NRG3: variants seen among roughly 807,000 people sequenced by gnomAD.
NRG3 encodes neuregulin 3.
In NRG3, 31 loss-of-function variants were observed where a neutral mutation model predicts 66.9. The observed-to-expected ratio is 0.46, with a 90% CI of 0.35 to 0.63. NRG3 has a LOEUF of 0.63. NRG3 is among the 20% of genes least tolerant of loss of function. The probability of loss-of-function intolerance (pLI) is 0.00; values close to 1 mark genes in which losing one functional copy is unlikely to be tolerated. For synonymous variants in NRG3, 393 were observed against 359.4 expected (o/e 1.09, Z -1.06); for missense variants, 910 against 878.9 (o/e 1.04, Z -0.45).
chr10:82,571,839 A>G (rs1205819373), intron 2 of NRG3, among the ~76,000 whole-genome samples: 3 of 151,714 alleles, frequency 2.0e-5, no homozygotes, highest in Non-Finnish European at 4.4e-5. Context: ...AAAAATGTAT[A>G]TACAAATGTA....
intron 2 of NRG3, among the ~76,000 whole-genome samples, chr10:82,372,987 A>C (rs937614143): frequency 1.9e-4 from 29 of 152,216 alleles, no homozygotes; most frequent in African/African-American, 6.0e-4. Flanking sequence ...TTGACCACTG[A>C]TCATTGTTGA....
At position 81,905,738 on chromosome 10, in the gene NRG3, A is replaced by T. The variant is rs150063866; in HGVS notation, c.823+29575A>T. ...TGTGCCCAGTTTTTGTGTTTTCTTC[A>T]TGTCCTTTGAAAATCAGCCCTCACA... On this transcript the variant is annotated intron_variant, in intron 1 of 8. Transcript: ENST00000372141. Among the ~76,000 whole-genome samples the T allele has an allele frequency of 2.0e-5, 3 of 152,234 alleles. No homozygotes were observed. In the East Asian group the frequency reaches 5.8e-4, roughly 29 times the overall value.
chr10:82,436,083 G>C (rs1245922526), intron 2 of NRG3, among the ~76,000 whole-genome samples: 1 of 152,078 alleles, frequency 6.6e-6, no homozygotes, highest in Admixed American at 6.6e-5. Context: ...TTCAAGTCAT[G>C]AATATCCTTG....
chr10:82,032,604 T>G (rs1013188089), intron 1 of NRG3, among the ~76,000 whole-genome samples: 2 of 152,102 alleles, frequency 1.3e-5, no homozygotes, highest in Non-Finnish European at 2.9e-5. Flanking sequence ...AATTGAAACA[T>G]ATTGAAATCA....
chr10:82,685,803 C>T (rs941393285), intron 2 of NRG3, among the ~76,000 whole-genome samples: 27 of 151,820 alleles, frequency 1.8e-4, no homozygotes, highest in African/African-American at 6.3e-4. Flanking sequence ...GTTTTATTTT[C>T]TACTTTTAAA....
At chr10:82,199,792 A>T (rs1294551963) in intron 1 of NRG3, among the ~76,000 whole-genome samples, 1 of 151,950 alleles carries the variant, frequency 6.6e-6, no homozygotes, top group African/African-American at 2.4e-5. Context: ...TTTCTGTATC[A>T]ATCTAATTTC....
At chr10:82,371,695 T>C (rs1347207808) in intron 2 of NRG3, among the ~76,000 whole-genome samples, 1 of 152,174 alleles carries the variant, frequency 6.6e-6, no homozygotes, top group Non-Finnish European at 1.5e-5. Flanking sequence ...TTCTGATAGT[T>C]GGGAGGTTCA....
chr10:82,986,328 T>C lies in NRG3; in HGVS notation c.*723T>C, dbSNP rs117881773. 6.6e-6 allele frequency: 1 copy of C among 152,212 alleles called. No individual in the cohort carries two copies. Among genetic ancestry groups the C allele is most frequent in the African/African-American group, 2.4e-5 (1 of 41,450 alleles). The allele number at this position is 152,212 out of a possible 1,614,324, so 9.4% of individuals were successfully genotyped here. A position where few individuals can be genotyped will look rare whatever the true frequency, so the allele number is the denominator to read the frequency against. On this transcript the variant is annotated 3_prime_UTR_variant, in exon 9 of 9. Transcript: ENST00000372141. ...AGAAATGTTTTTCCTTGAGATTGTT[T>C]AGAGGCTCTGGAGGAGCGTTTCTCA...
At chr10:82,355,842 A>G (rs2083744353) in intron 1 of NRG3, among the ~76,000 whole-genome samples, 2 of 152,310 alleles carry the variant, frequency 1.3e-5, no homozygotes, top group South Asian at 4.1e-4. Context: ...TTTCAAATGT[A>G]TTGATAATTG....
chr10:82,021,387 A>T (rs1483563599), intron 1 of NRG3, among the ~76,000 whole-genome samples: 2 of 152,084 alleles, frequency 1.3e-5, no homozygotes, highest in Admixed American at 6.6e-5. Flanking sequence ...GAAAACAAAA[A>T]GTGGGATTTT....
intron 1 of NRG3, among the ~76,000 whole-genome samples, chr10:82,176,228 T>C (rs1158089460): frequency 2.0e-5 from 3 of 152,184 alleles, no homozygotes; most frequent in Non-Finnish European, 4.4e-5. Flanking sequence ...AGGATATCCT[T>C]TGGGAAATGT....
chr10:82,863,871 C>A (rs505079), intron 3 of NRG3, among the ~76,000 whole-genome samples: 1 of 151,978 alleles, frequency 6.6e-6, no homozygotes, highest in Non-Finnish European at 1.5e-5. Context: ...TCTGAGCTAC[C>A]TGAGAACAAG....
chr10:82,979,853 A>T (rs927800157), intron 8 of NRG3, among the ~76,000 whole-genome samples: 1 of 152,112 alleles, frequency 6.6e-6, no homozygotes, highest in African/African-American at 2.4e-5. Flanking sequence ...GCTCCTTACT[A>T]CTAGTGTGAC....
intron 4 of NRG3, among the ~76,000 whole-genome samples, chr10:82,946,454 G>A (rs147446166): frequency 2.3e-4 from 35 of 151,928 alleles, no homozygotes; most frequent in African/African-American, 7.5e-4. Context: ...CAGGAAAATC[G>A]CTTGAACCCA....
intron 1 of NRG3, among the ~76,000 whole-genome samples, chr10:82,132,525 G>GATATATATATCAGATATATATATCATAT (rs1317557723): frequency 1.8e-5 from 1 of 54,768 alleles, no homozygotes; most frequent in African/African-American, 6.5e-5. Context: ...TGATATATAT[G>GATATATATATCAGATATATATATCATAT]ATATATATAT....
At chr10:82,382,332 A>T (rs1288800988) in intron 2 of NRG3, among the ~76,000 whole-genome samples, 6 of 151,886 alleles carry the variant, frequency 4.0e-5, no homozygotes, top group Admixed American at 3.3e-4. Flanking sequence ...TTCCTTTAGT[A>T]GCTTATAGGT....
intron 3 of NRG3, among the ~76,000 whole-genome samples, chr10:82,783,115 A>C (rs1411847317): frequency 2.0e-5 from 3 of 152,144 alleles, no homozygotes; most frequent in Non-Finnish European, 4.4e-5. Flanking sequence ...AACCACGACT[A>C]TCTCAATAGA....
chr10:82,366,968 T>C (rs2084573590), intron 2 of NRG3, among the ~76,000 whole-genome samples: 1 of 152,208 alleles, frequency 6.6e-6, no homozygotes, highest in African/African-American at 2.4e-5. Context: ...CAGGATATGT[T>C]AGCAGCGAAT....
chr10:82,019,248 G>T (rs1407784720), intron 1 of NRG3, among the ~76,000 whole-genome samples: 1 of 152,120 alleles, frequency 6.6e-6, no homozygotes, highest in Non-Finnish European at 1.5e-5. Flanking sequence ...TTATTAATTT[G>T]TGTATGTTGA....
Sources: gnomAD v4.1 joint callset for allele counts (sites outside exome capture counted in the v4.1 genomes callset) on GRCh38, gnomAD v4.1.1 for gene constraint, MANE v1.5 for transcripts, NCBI Gene and HGNC (gene_info 2026-07-23, HGNC 2026-07-21) for gene names.